CDYL: variants seen among roughly 807,000 people sequenced by gnomAD.
CDYL encodes the protein chromodomain Y-like protein.
Under a neutral mutation model 47.3 loss-of-function variants are expected in CDYL, and 8 were observed. The ratio of observed to expected loss-of-function variants is 0.17; its 90% confidence interval spans 0.10 to 0.31. The LOEUF is 0.31. Ranked by LOEUF, CDYL falls within the 10% of genes least tolerant of loss-of-function variation. The probability of loss-of-function intolerance (pLI) is 1.00; values close to 1 mark genes in which losing one functional copy is unlikely to be tolerated. For missense variants in CDYL, 471 were observed against 701.4 expected (o/e 0.67, Z 3.71); for synonymous variants, 266 against 265.0 (o/e 1.00, Z -0.04).
At chr6:4,715,916 C>T (rs9502225) in intron 2 of CDYL, 343,505 of 1,598,594 alleles carry the variant, frequency 0.21, 39,402 homozygotes, top group African/African-American at 0.35. Flanking sequence ...AGTTCTGATG[C>T]AGTAGGCAGA....
intron 3 of CDYL, among the ~76,000 whole-genome samples, chr6:4,747,240 G>A (rs1251745878): frequency 1.3e-5 from 2 of 149,460 alleles, no homozygotes; most frequent in Admixed American, 1.3e-4. Flanking sequence ...CTGGGAGGCA[G>A]AGGTTGCAGT....
intron 2 of CDYL, 41 bp from the exon 3 acceptor site, chr6:4,935,474 G>A: frequency 6.4e-7 from 1 of 1,567,720 alleles, no homozygotes; most frequent in African/African-American, 1.4e-5. Context: ...TGAACTGGTG[G>A]TGGGACATCA....
intron 3 of CDYL, among the ~76,000 whole-genome samples, chr6:4,766,729 G>C (rs1758257315): frequency 6.6e-6 from 1 of 152,002 alleles, no homozygotes; most frequent in African/African-American, 2.4e-5. Context: ...AAGAGGCCGG[G>C]CACAGTGGCT....
chr6:4,935,886 C>G (rs1451350834), intron 3 of CDYL, 115 bp downstream of exon 3: 2 of 1,474,926 alleles, frequency 1.4e-6, no homozygotes, highest in Non-Finnish European at 1.8e-6. Flanking sequence ...TTTGGGCCAT[C>G]TCCCGATGCC....
intron 5 of CDYL, among the ~76,000 whole-genome samples, chr6:4,947,834 G>A (rs890779051): frequency 8.5e-5 from 13 of 152,134 alleles, no homozygotes; most frequent in African/African-American, 1.2e-4. Context: ...GGCGGTTCCC[G>A]GTGCCCCACT....
chr6:4,872,138 C>G (rs146451909), intron 1 of CDYL, among the ~76,000 whole-genome samples: 2 of 152,178 alleles, frequency 1.3e-5, no homozygotes, highest in African/African-American at 4.8e-5. Context: ...GATTTTATTC[C>G]TCTGGTGGAA....
At chr6:4,935,131 A>G (rs1330318871) in intron 2 of CDYL, among the ~76,000 whole-genome samples, 1 of 152,208 alleles carries the variant, frequency 6.6e-6, no homozygotes, top group Non-Finnish European at 1.5e-5. Context: ...CCTTGACTCT[A>G]ATAATAAGAT....
At chr6:4,937,259 T>C (rs1450041831) in intron 3 of CDYL, among the ~76,000 whole-genome samples, 5 of 148,718 alleles carry the variant, frequency 3.4e-5, no homozygotes, top group Non-Finnish European at 6.0e-5. Flanking sequence ...CTTGGGAGGC[T>C]GAGGCGGGAG....
intron 1 of CDYL, chr6:4,889,851 A>G (rs1761993849): frequency 4.3e-6 from 2 of 464,370 alleles, no homozygotes; most frequent in African/African-American, 2.1e-5. Context: ...AAAACGGAGC[A>G]CACACCTACC....
intron 2 of CDYL, among the ~76,000 whole-genome samples, chr6:4,913,593 C>T (rs1468596160): frequency 6.6e-6 from 1 of 152,230 alleles, no homozygotes; most frequent in Non-Finnish European, 1.5e-5. Flanking sequence ...CAGCCCTTGG[C>T]TTTAAAATAC....
chr6:4,894,350 T>A (rs1762134957), intron 2 of CDYL, among the ~76,000 whole-genome samples: 1 of 152,182 alleles, frequency 6.6e-6, no homozygotes, highest in South Asian at 2.1e-4. Flanking sequence ...ACTGTAGTGC[T>A]ACCAAAAAGG....
chr6:4,737,402 CA>C (rs1258619345), intron 3 of CDYL, among the ~76,000 whole-genome samples: 1 of 152,052 alleles, frequency 6.6e-6, no homozygotes, highest in Non-Finnish European at 1.5e-5. Context: ...CCTGTAATCC[CA>C]GCACTTTGGG....
chr6:4,841,471 G>A (rs1438696933), intron 1 of CDYL, among the ~76,000 whole-genome samples: 1 of 152,046 alleles, frequency 6.6e-6, no homozygotes, highest in East Asian at 1.9e-4. Context: ...GATTCCTTGA[G>A]ATGTGACCTT....
At chr6:4,711,570 G>T (rs1009191136) in intron 1 of CDYL, among the ~76,000 whole-genome samples, 2 of 152,184 alleles carry the variant, frequency 1.3e-5, no homozygotes, top group African/African-American at 4.8e-5. Context: ...TCAGATGCTG[G>T]GGTTTTTTTC....
chr6:4,756,578 G>GTA (rs1554134030), intron 3 of CDYL, among the ~76,000 whole-genome samples: 1 of 141,022 alleles, frequency 7.1e-6, no homozygotes, highest in East Asian at 2.0e-4. Flanking sequence ...ATTATCGTGT[G>GTA]TATGTGTGTG....
intron 2 of CDYL, among the ~76,000 whole-genome samples, chr6:4,726,545 A>C (rs1329831643): frequency 6.6e-6 from 1 of 151,402 alleles, no homozygotes; most frequent in African/African-American, 2.4e-5. Context: ...AAAAAAAAAA[A>C]AAAAAATTAG....
intron 1 of CDYL, among the ~76,000 whole-genome samples, chr6:4,778,950 T>C (rs183672612): frequency 6.6e-6 from 1 of 152,292 alleles, no homozygotes; most frequent in African/African-American, 2.4e-5. Flanking sequence ...ATCTGTGAAA[T>C]TGGGATCAGT....
chr6:4,871,219 G>T (rs1761464323), intron 1 of CDYL, among the ~76,000 whole-genome samples: 1 of 152,070 alleles, frequency 6.6e-6, no homozygotes, highest in South Asian at 2.1e-4. Context: ...CTTTCTAGGG[G>T]TCACTGTTTT....
At chr6:4,828,519 C>T (rs1287406633) in intron 1 of CDYL, among the ~76,000 whole-genome samples, 1 of 152,140 alleles carries the variant, frequency 6.6e-6, no homozygotes, top group Non-Finnish European at 1.5e-5. Context: ...TTGTGCTTGT[C>T]AAGTCACCTC....
Sources: allele counts gnomAD v4.1 joint callset (sites outside exome capture counted in the v4.1 genomes callset), GRCh38; gene constraint gnomAD v4.1.1; transcripts MANE v1.5; gene names NCBI Gene and HGNC (gene_info 2026-07-23, HGNC 2026-07-21).